The following CFAP61 variants were observed in gnomAD, a reference collection of about 807,000 sequenced individuals.
CFAP61 encodes the protein cilia and flagella associated protein 61.
Under a neutral mutation model 135.6 loss-of-function variants are expected in CFAP61, and 107 were observed. The observed-to-expected ratio is 0.79, with a 90% confidence interval of 0.67 to 0.93. The LOEUF (loss-of-function observed/expected upper bound fraction) is 0.93, where lower values mean the gene tolerates loss of function less well. Ranked by LOEUF, CFAP61 falls within the 40% of genes least tolerant of loss-of-function variation. The pLI is 0.00. For synonymous variants in CFAP61, 575 were observed against 578.5 expected (o/e 0.99, Z 0.09); for missense variants, 1,507 against 1,556.2 (o/e 0.97, Z 0.53).
At chr20:20,117,026 C>G (rs948758183) in intron 8 of CFAP61, among the ~76,000 whole-genome samples, 3 of 152,156 alleles carry the variant, frequency 2.0e-5, no homozygotes, top group African/African-American at 7.2e-5. Flanking sequence ...TGAGACTTTC[C>G]TTTCCCCGCT....
At position 20,270,456 on chromosome 20, in the gene CFAP61, G is replaced by C. The variant is rs550943742; in HGVS notation, c.2504-6710G>C. On this transcript the variant is annotated intron_variant, in intron 21 of 26. Transcript: ENST00000245957. ...TAAAAGTTGTCCCATTACTTTTAGG[G>C]TACATCTATGACTAAAAGAATTAGC... 2.2e-4 allele frequency among the ~76,000 whole-genome samples: 33 copies of C among 152,228 alleles called. No individual in the cohort carries two copies. In the South Asian group the frequency reaches 5.8e-3, roughly 27 times the overall value.
At chr20:20,358,081 A>G (rs2059325683) in intron 26 of CFAP61, among the ~76,000 whole-genome samples, 2 of 132,186 alleles carry the variant, frequency 1.5e-5, no homozygotes, top group Admixed American at 7.8e-5. Context: ...CACTGAGGGG[A>G]GGTGGTCACA....
chr20:20,074,155 G>A (rs1178319028), intron 3 of CFAP61, 147 bp from the exon 4 acceptor site: 3 of 671,242 alleles, frequency 4.5e-6, no homozygotes, highest in Non-Finnish European at 5.4e-6. Flanking sequence ...TGCCGCCTGG[G>A]TGTTGCATCA....
At chr20:20,073,603 G>A (rs2045870092) in intron 3 of CFAP61, among the ~76,000 whole-genome samples, 1 of 152,224 alleles carries the variant, frequency 6.6e-6, no homozygotes, top group Non-Finnish European at 1.5e-5. Flanking sequence ...GGGGTACCGA[G>A]TTGAGTGGAC....
At chr20:20,074,725 G>T (rs1352856871) in intron 4 of CFAP61, among the ~76,000 whole-genome samples, 1 of 152,130 alleles carries the variant, frequency 6.6e-6, no homozygotes, top group Non-Finnish European at 1.5e-5. Flanking sequence ...TTATTAACAT[G>T]ACAGACTTCA....
intron 22 of CFAP61, 129 bp from the exon 23 acceptor site, chr20:20,288,480 T>C: frequency 1.4e-6 from 1 of 726,010 alleles, no homozygotes; most frequent in Non-Finnish European, 2.4e-6. Context: ...ACAAACAACA[T>C]GATAGCAAAC....
At chr20:20,265,367 C>T (rs540455616) in intron 21 of CFAP61, 16 of 779,530 alleles carry the variant, frequency 2.1e-5, no homozygotes, top group Admixed American at 8.5e-5. Context: ...AAGCAAGAAG[C>T]GCTGTAGTCT....
At chr20:20,200,979 AC>A in intron 17 of CFAP61, 3 of 984,250 alleles carry the variant, frequency 3.0e-6, no homozygotes, top group Non-Finnish European at 3.6e-6. Flanking sequence ...TTGTAAAATA[AC>A]AAAAAATTTA....
chr20:20,098,940 G>T (rs2047800013), intron 8 of CFAP61, 126 bp downstream of exon 8: 2 of 833,346 alleles, frequency 2.4e-6, no homozygotes, highest in African/African-American at 3.4e-5. Context: ...CCCTTAAGGA[G>T]TAGTTCCCAT....
At chr20:20,088,348 A>C (rs2046950672) in intron 6 of CFAP61, among the ~76,000 whole-genome samples, 3 of 152,202 alleles carry the variant, frequency 2.0e-5, no homozygotes, top group Admixed American at 2.0e-4. Flanking sequence ...TATGAAGGAA[A>C]GAGGTTTAAT....
intron 26 of CFAP61, among the ~76,000 whole-genome samples, chr20:20,356,098 G>A (rs1210671915): frequency 1.2e-4 from 7 of 60,844 alleles, no homozygotes; most frequent in East Asian, 6.9e-4. Context: ...GTCACACTGT[G>A]AGGGGAGGTG....
intron 8 of CFAP61, among the ~76,000 whole-genome samples, chr20:20,101,742 C>T (rs2048038752): frequency 6.6e-6 from 1 of 152,134 alleles, no homozygotes; most frequent in Non-Finnish European, 1.5e-5. Context: ...TCTCCTGCCT[C>T]AGCCTCCCCA....
chr20:20,221,942 C>G (rs930933404), intron 17 of CFAP61: 1 of 152,126 alleles, frequency 6.6e-6, no homozygotes, highest in African/African-American at 2.4e-5. Flanking sequence ...ACATATTGTG[C>G]GTATAATGCA....
At chr20:20,083,729 A>G (rs1409970216) in intron 6 of CFAP61, among the ~76,000 whole-genome samples, 2 of 152,148 alleles carry the variant, frequency 1.3e-5, no homozygotes, top group Admixed American at 6.5e-5. Context: ...TCCCCCAACA[A>G]TCTTCATGAA....
At chr20:20,309,817 T>A (rs1168214166) in intron 25 of CFAP61, among the ~76,000 whole-genome samples, 1 of 133,482 alleles carries the variant, frequency 7.5e-6, no homozygotes, top group East Asian at 2.2e-4. Flanking sequence ...TTAGAACTTC[T>A]GTTTATAATT....
At chr20:20,074,807 C>T (rs2146576941) in intron 4 of CFAP61, among the ~76,000 whole-genome samples, 1 of 152,302 alleles carries the variant, frequency 6.6e-6, no homozygotes, top group South Asian at 2.1e-4. Context: ...GTGTCTCTGA[C>T]AGCCTCTGAC....
chr20:20,360,475 A>G lies in CFAP61; in HGVS notation c.*65A>G. 1 of 1,471,266 alleles carries G rather than the reference A, an allele frequency of 6.8e-7. No individual in the cohort carries two copies. The highest frequency in any genetic ancestry group is 1.2e-5 in the South Asian group (1 of 85,022). The allele number at this position is 1,471,266 out of a possible 1,614,324, so 91.1% of individuals were successfully genotyped here. On this transcript the variant is annotated 3_prime_UTR_variant, in exon 27 of 27. Coordinates refer to ENST00000245957, the MANE Select transcript of CFAP61 (RefSeq NM_015585.4). ...AGTTCCTGGAAACGCGCTCTGTAGA[A>G]ATAGAAAAGTTCTCTGCAGCCTGGT...
chr20:20,142,940 A>G lies in CFAP61; in HGVS notation c.943A>G (p.Asn315Asp). Reference sequence around the variant, plus strand: ...ACCTGTCTCTCCAGATACCATGGAAAACATCCAGGTGAGAGAGACTATCCC... The same window carrying G: ...ACCTGTCTCTCCAGATACCATGGAAGACATCCAGGTGAGAGAGACTATCCC... ...QEPVSPDTME[N>D]IQGNIAREAA... is the part of the protein sequence containing the mutation. Residue 315 changes from asparagine to aspartate, a missense_variant, in exon 9 of 27, where the codon AAC becomes GAC. Transcript: ENST00000245957. The G allele has an allele frequency of 1.9e-6, 3 of 1,584,280 alleles. No homozygotes were observed. Among genetic ancestry groups the G allele is most frequent in the Middle Eastern group, 1.7e-4 (1 of 6,022 alleles).
chr20:20,296,105 CCCTCCCTCCTTCCCTTCCTTCCTT>C (rs1569259349), intron 24 of CFAP61, among the ~76,000 whole-genome samples: 1 of 20,262 alleles, frequency 4.9e-5, no homozygotes, highest in Non-Finnish European at 1.0e-4. Context: ...TTCCTTCCTT[CCCTCCCTCCTTCCCTTCCTTCCTT>C]CCTTCCTCCC....
Sources: gnomAD v4.1 joint callset for allele counts (sites outside exome capture counted in the v4.1 genomes callset) on GRCh38, gnomAD v4.1.1 for gene constraint, MANE v1.5 for transcripts, NCBI Gene and HGNC (gene_info 2026-07-23, HGNC 2026-07-21) for gene names.